Variants in TARDBP observed in about 807,000 individuals in gnomAD.
The protein encoded by TARDBP is TAR DNA binding protein, also known as TAR DNA-binding protein 43.
TARDBP carries 4 observed loss-of-function variants against 38.3 expected under a neutral mutation model. The observed-to-expected ratio is 0.10, with a 90% CI of 0.05 to 0.24. TARDBP has a LOEUF of 0.24. Ranked by LOEUF, TARDBP falls within the 10% of genes least tolerant of loss-of-function variation. The pLI, the probability that TARDBP is intolerant of heterozygous loss-of-function variation, is 1.00. For synonymous variants in TARDBP, 184 were observed against 183.8 expected, an observed-to-expected ratio of 1.00 and a Z score of -0.01; for missense variants, 202 against 521.9, an observed-to-expected ratio of 0.39 and a Z score of 5.97.
At chr1:11,014,474 AAAGG>A (rs1239702535) in intron 2 of TARDBP, among the ~76,000 whole-genome samples, 2 of 152,224 alleles carry the variant, frequency 1.3e-5, no homozygotes, top group Non-Finnish European at 2.9e-5. Flanking sequence ...AAATCTAAGA[AAAGG>A]AAGCATGAAG....
chr1:11,030,107 T>G (rs1030045365), downstream of TARDBP: 4 of 1,130,204 alleles, frequency 3.5e-6, no homozygotes, highest in African/African-American at 4.7e-5. Flanking sequence ...GCTAAAGCTC[T>G]CCTCACTGTC....
chr1:11,014,841 G>T (rs765559168), intron 2 of TARDBP, among the ~76,000 whole-genome samples: 1 of 152,170 alleles, frequency 6.6e-6, no homozygotes, highest in Admixed American at 6.5e-5. Flanking sequence ...GGAGGCAGAC[G>T]CAGGAGAATC....
At position 11,022,121 on chromosome 1, in the gene TARDBP, T is replaced by C. The variant is rs374841111; in HGVS notation, c.715-3T>C. On this transcript the variant is annotated splice_polypyrimidine_tract_variant and splice_region_variant and intron_variant, in intron 5 of 5. Transcript: ENST00000240185. This position sits in a 1 kb window ranked among gnomAD's most constrained non-coding sequence, Gnocchi z 4.5. The stretch of plus-strand genomic sequence containing the variant: ...CTTTGTTTACATCCCTTATTTCTTA[T>C]AGATTGCGCAGTCTCTTTGTGGAGA... 15 of 1,613,916 alleles carry C rather than the reference T, an allele frequency of 9.3e-6. No individual in the cohort carries two copies. In the African/African-American group the frequency reaches 9.3e-5, roughly 10 times the overall value.
At chr1:11,019,659 CG>C (rs1197147537) in intron 4 of TARDBP, among the ~76,000 whole-genome samples, 1 of 151,780 alleles carries the variant, frequency 6.6e-6, no homozygotes, top group African/African-American at 2.4e-5. Flanking sequence ...CTCTGCCTCC[CG>C]GGTTCACGTC....
At chr1:11,026,614 TAATGA>T (rs1643736058), downstream of TARDBP, 3 of 291,814 alleles carry the variant, frequency 1.0e-5, no homozygotes, top group Admixed American at 5.1e-5. Flanking sequence ...CTTTTTAAGG[TAATGA>T]AATGTAATTT....
chr1:11,018,445 TC>T, intron 3 of TARDBP: 1 of 428,510 alleles, frequency 2.3e-6, no homozygotes, highest in Non-Finnish European at 4.3e-6. Flanking sequence ...CTCCTCAGCA[TC>T]CCAAAGCACT....
rs978322070 is a variant in TARDBP, at chr1:11,024,747, A to G, written c.*2093A>G. The stretch of plus-strand genomic sequence containing the variant: ...ATACAGTTGAATAAAATCGCTTACA[A>G]AACTCACACTCTCACAATGCATTGT... On this transcript the variant is annotated 3_prime_UTR_variant, in exon 6 of 6. Coordinates refer to ENST00000240185, the MANE Select transcript of TARDBP (RefSeq NM_007375.4). The G allele has an allele frequency of 2.0e-5, 3 of 152,672 alleles. No individual in the cohort carries two copies. Among genetic ancestry groups the G allele is most frequent in the African/African-American group, 4.8e-5 (2 of 41,452 alleles). The allele number at this position is 152,672 out of a possible 1,614,324, so 9.5% of individuals were successfully genotyped here.
chr1:11,029,407 AAT>A (rs1643801895), downstream of TARDBP, among the ~76,000 whole-genome samples: 7 of 151,252 alleles, frequency 4.6e-5, no homozygotes, highest in African/African-American at 1.5e-4. Context: ...CTCAAAAAAT[AAT>A]AATAATAATT....
At chr1:11,019,264 A>G (rs1046074272) in intron 4 of TARDBP, 7 of 312,058 alleles carry the variant, frequency 2.2e-5, no homozygotes, top group Non-Finnish European at 4.3e-5. Flanking sequence ...GAACATCATC[A>G]TCTTTGCCAA....
chr1:11,023,938 G>GCT lies in TARDBP; in HGVS notation c.*1285_*1286dup, dbSNP rs1643686443. On this transcript the variant is annotated 3_prime_UTR_variant, in exon 6 of 6. Coordinates refer to ENST00000240185, the MANE Select transcript of TARDBP (RefSeq NM_007375.4). ...AGGGTGGAAGTTCTAATGTCTGTTAGCTACCCATAAGAATGCTGTTTGCTG... is the reference window on the plus strand; with the variant it reads ...AGGGTGGAAGTTCTAATGTCTGTTAGCTCTACCCATAAGAATGCTGTTTGCTG... The GCT allele has an allele frequency of 6.6e-6, 1 of 152,632 alleles. No individual in the cohort carries two copies. Among genetic ancestry groups the GCT allele is most frequent in the Non-Finnish European group, 1.5e-5 (1 of 68,052 alleles). The allele number at this position is 152,632 out of a possible 1,614,324, so 9.5% of individuals were successfully genotyped here. A position where few individuals can be genotyped will look rare whatever the true frequency, so the allele number is the denominator to read the frequency against.
At chr1:11,019,435 C>T (rs1215340990) in intron 4 of TARDBP, among the ~76,000 whole-genome samples, 1 of 152,196 alleles carries the variant, frequency 6.6e-6, no homozygotes. Flanking sequence ...CAAATACTTA[C>T]CATCATGTTA....
intron 3 of TARDBP, chr1:11,018,503 T>TA (rs932003667): frequency 1.7e-6 from 1 of 590,264 alleles, no homozygotes; most frequent in African/African-American, 1.9e-5. Context: ...CTCTCTTTTT[T>TA]AAAAAACTCA....
chr1:11,030,019 G>C (rs1371999106), downstream of TARDBP: 2 of 575,668 alleles, frequency 3.5e-6, no homozygotes, highest in South Asian at 4.3e-5. Flanking sequence ...ATATGGGAAG[G>C]GGGTAATGAG....
chr1:11,014,876 C>T (rs1487790996), intron 2 of TARDBP, among the ~76,000 whole-genome samples: 1 of 151,926 alleles, frequency 6.6e-6, no homozygotes, highest in Non-Finnish European at 1.5e-5. Flanking sequence ...GCAGAGGTTG[C>T]AGTGAGCAGA....
chr1:11,026,712 A>G (rs1198143010), downstream of TARDBP: 1 of 475,634 alleles, frequency 2.1e-6, no homozygotes, highest in Non-Finnish European at 3.6e-6. Context: ...GTAAGGCTGG[A>G]ATTAAACTGG....
intron 3 of TARDBP, 174 bp from the exon 4 acceptor site, chr1:11,018,559 A>G: frequency 2.5e-6 from 2 of 815,422 alleles, no homozygotes; most frequent in South Asian, 3.2e-5. Context: ...TTGTTAACAC[A>G]GTATGGATTC....
At chr1:11,014,780 A>G (rs1325452550) in intron 2 of TARDBP, among the ~76,000 whole-genome samples, 2 of 152,058 alleles carry the variant, frequency 1.3e-5, no homozygotes, top group Non-Finnish European at 2.9e-5. Flanking sequence ...CTCTATCAAA[A>G]ACACAAAATC....
downstream of TARDBP, chr1:11,030,168 T>C (rs778863728): frequency 6.2e-6 from 10 of 1,602,624 alleles, no homozygotes; most frequent in African/African-American, 1.3e-5. Flanking sequence ...TATAAATGTA[T>C]CCATTACCAG....
downstream of TARDBP, chr1:11,027,031 A>G: frequency 6.3e-7 from 1 of 1,596,520 alleles, no homozygotes. Flanking sequence ...CTATCTAGAA[A>G]CACCAGTGCC....
Sources: gnomAD v4.1 joint callset for allele counts (sites outside exome capture counted in the v4.1 genomes callset) on GRCh38, gnomAD v4.1.1 for gene constraint, Gnocchi (gnomAD v3.1) non-coding constraint, MANE v1.5 for transcripts, NCBI Gene and HGNC (gene_info 2026-07-23, HGNC 2026-07-21) for gene names.